The following KIF13B variants were observed in gnomAD, a reference collection of about 807,000 sequenced individuals.
KIF13B encodes kinesin-like protein KIF13B.
A neutral mutation model predicts 222.0 loss-of-function variants in KIF13B; 127 were observed. The ratio of observed to expected loss-of-function variants is 0.57; its 90% confidence interval spans 0.50 to 0.66. The LOEUF is 0.66. KIF13B is among the 30% of genes least tolerant of loss of function. The pLI, the probability that KIF13B is intolerant of heterozygous loss-of-function variation, is 0.00. For missense variants in KIF13B, 2,173 were observed against 2,379.0 expected (o/e 0.91, Z 1.80); for synonymous variants, 976 against 919.0 (o/e 1.06, Z -1.12).
chr8:29,142,262 T>C lies in KIF13B; in HGVS notation c.2229A>G (p.Arg743=), dbSNP rs776176146. ...ACCAAATCTGCTTTCCTTTTCCTTT[T>C]CTTCTCACCTGGATTGCAGGCTCAC... ...LLSEPAIQVR[R]KGKGKQIWSL... Residue 743 remains arginine, a synonymous_variant, in exon 19 of 40, where the codon AGA becomes AGG. Coordinates refer to ENST00000524189, the MANE Select transcript of KIF13B (RefSeq NM_015254.4). 2 of 1,613,810 alleles carry C rather than the reference T, an allele frequency of 1.2e-6. No homozygotes were observed. Among genetic ancestry groups the C allele is most frequent in the South Asian group, 2.2e-5 (2 of 91,056 alleles).
chr8:29,083,881 A>C (rs760992175), intron 37 of KIF13B, among the ~76,000 whole-genome samples: 7 of 152,144 alleles, frequency 4.6e-5, no homozygotes, highest in Non-Finnish European at 1.0e-4. Flanking sequence ...AGTTTAAGAA[A>C]AATGAAGGCT....
chr8:29,091,753 C>T (rs1260280860), intron 37 of KIF13B, among the ~76,000 whole-genome samples: 2 of 152,196 alleles, frequency 1.3e-5, no homozygotes, highest in Non-Finnish European at 2.9e-5. Context: ...TTGGCTCCTG[C>T]AGTCATAGAT....
At chr8:29,191,571 A>G (rs772441944) in intron 3 of KIF13B, among the ~76,000 whole-genome samples, 1 of 152,246 alleles carries the variant, frequency 6.6e-6, no homozygotes, top group South Asian at 2.1e-4. Flanking sequence ...TGTTAATGAA[A>G]AAGTTATAAA....
intron 25 of KIF13B, among the ~76,000 whole-genome samples, chr8:29,126,821 G>A (rs770321173): frequency 4.6e-5 from 7 of 152,182 alleles, no homozygotes; most frequent in Non-Finnish European, 8.8e-5. Flanking sequence ...TTACAAGCCA[G>A]TAGGGGGTTT....
intron 36 of KIF13B, among the ~76,000 whole-genome samples, chr8:29,093,966 T>C (rs1297491199): frequency 6.6e-6 from 1 of 152,098 alleles, no homozygotes; most frequent in East Asian, 1.9e-4. Context: ...TCCAAAAATA[T>C]ACAATTATTT....
intron 1 of KIF13B, among the ~76,000 whole-genome samples, chr8:29,257,276 G>A (rs981909385): frequency 6.6e-6 from 1 of 151,864 alleles, no homozygotes; most frequent in African/African-American, 2.4e-5. Flanking sequence ...GCATGGAGTG[G>A]ACCAGTTAGT....
At chr8:29,229,504 AAAC>A (rs1344226300) in intron 2 of KIF13B, among the ~76,000 whole-genome samples, 1 of 152,238 alleles carries the variant, frequency 6.6e-6, no homozygotes, top group African/African-American at 2.4e-5. Context: ...AACACAATAT[AAAC>A]AATACTAATG....
At chr8:29,168,055 T>TA (rs2130171818) in intron 10 of KIF13B, among the ~76,000 whole-genome samples, 1 of 152,352 alleles carries the variant, frequency 6.6e-6, no homozygotes, top group Non-Finnish European at 1.5e-5. Flanking sequence ...AAGTTGCTGT[T>TA]ACAAGCTATC....
At position 29,110,036 on chromosome 8, in the gene KIF13B, G is replaced by A; in HGVS notation, c.3965C>T (p.Ala1322Val). Residue 1322 changes from alanine to valine, a missense_variant, in exon 33 of 40, where the codon GCA becomes GTA. Ala to Val is a moderately conservative substitution (Grantham distance 64, BLOSUM62 0). This residue lies in a region of KIF13B where 1,480 missense variants were observed against 1,722.8 expected (regional missense o/e 0.86). Coordinates refer to ENST00000524189, the MANE Select transcript of KIF13B (RefSeq NM_015254.4). Reference sequence around the variant, plus strand: ...GTTTTCAACATTGGCTGCCATTCTTGCTAATGCTTCCCGTTCTTCCACTCC... The same window carrying A: ...GTTTTCAACATTGGCTGCCATTCTTACTAATGCTTCCCGTTCTTCCACTCC... ...AQGVEEREAL[A>V]RMAANVENPA... 1.3e-6 allele frequency: 2 copies of A among 1,577,794 alleles called. 1 individual carries two copies. The highest frequency in any genetic ancestry group is 2.3e-5 in the South Asian group (2 of 86,126).
Position 29,181,998 on chromosome 8 carries a change from T to C in KIF13B, c.506A>G (p.Gln169Arg), listed in dbSNP as rs1306106845. The C allele has an allele frequency of 6.2e-7, 1 of 1,612,476 alleles. No individual in the cohort carries two copies. Among genetic ancestry groups the C allele is most frequent in the African/African-American group, 1.3e-5 (1 of 74,862 alleles). Residue 169 changes from glutamine to arginine, a missense_variant, in exon 7 of 40, where the codon CAG (glutamine) becomes CGG (arginine). Transcript: ENST00000524189. ...ACTATGCTCTCTGACTTTCAACGTC[T>C]GACGGCTTCTGTTCATGAAAAACAA... is the stretch of plus-strand genomic sequence containing the variant. The part of the protein sequence containing the change: ...RDLLDPKGSR[Q>R]TLKVREHSVL...
Position 29,196,176 on chromosome 8 carries a change from A to G in KIF13B, c.162+11T>C. On this transcript the variant is annotated intron_variant, in intron 3 of 39. Transcript: ENST00000524189. ...CTTTACAAGCATCACATAACAAACC[A>G]AATCTCTTACCTTCGGCTGGCCCCT... 5 of 1,569,252 alleles carry G rather than the reference A, an allele frequency of 3.2e-6. No homozygotes were observed. Among genetic ancestry groups the G allele is most frequent in the Non-Finnish European group, 4.3e-6 (5 of 1,155,714 alleles).
At chr8:29,119,390 C>A (rs1175004112) in intron 29 of KIF13B, among the ~76,000 whole-genome samples, 1 of 152,178 alleles carries the variant, frequency 6.6e-6, no homozygotes, top group Non-Finnish European at 1.5e-5. Flanking sequence ...CCAGAAGGTT[C>A]CACTGGCTGC....
chr8:29,257,400 A>G (rs1816524474), intron 1 of KIF13B, among the ~76,000 whole-genome samples: 1 of 152,004 alleles, frequency 6.6e-6, no homozygotes, highest in East Asian at 1.9e-4. Flanking sequence ...GCAAGCATAG[A>G]GATCAATACA....
At position 29,100,742 on chromosome 8, in the gene KIF13B, G is replaced by A. The variant is rs570502855; in HGVS notation, c.4216-1501C>T. Among the ~76,000 whole-genome samples the A allele has an allele frequency of 1.5e-4, 23 of 152,286 alleles. No individual in the cohort carries two copies. The East Asian group carries it at 1.7e-3, about 12-fold the overall frequency. ...TGAGATTACAGGCGTGAGCCAACGC[G>A]CCTGGCAAGTTTTCTTTACTAATTG... On this transcript the variant is annotated intron_variant, in intron 35 of 39. Coordinates refer to ENST00000524189, the MANE Select transcript of KIF13B (RefSeq NM_015254.4).
chr8:29,082,383 A>G (rs1205301177), intron 37 of KIF13B, among the ~76,000 whole-genome samples: 1 of 152,224 alleles, frequency 6.6e-6, no homozygotes, highest in African/African-American at 2.4e-5. Context: ...AGTTACTGGA[A>G]AAGATATCGC....
intron 19 of KIF13B, 26 bp from the exon 20 acceptor site, chr8:29,140,643 C>A: frequency 1.3e-6 from 2 of 1,594,952 alleles, no homozygotes; most frequent in Non-Finnish European, 1.7e-6. Flanking sequence ...GAACACACAA[C>A]TTCAGAAAAA....
Position 29,070,791 on chromosome 8 carries a change from T to C in KIF13B, c.5219-25A>G, listed in dbSNP as rs573434100. 25 of 1,580,538 alleles carry C rather than the reference T, an allele frequency of 1.6e-5. No individual in the cohort carries two copies. Among genetic ancestry groups the C allele is most frequent in the South Asian group, 1.4e-4 (12 of 86,326 alleles). The stretch of plus-strand genomic sequence containing the variant: ...CCTGCGGGGGAAGGAGAGGGTGATA[T>C]GGAGGGCAGCCGAGCTGCAGACGGC... On this transcript the variant is annotated intron_variant, in intron 39 of 39. Transcript: ENST00000524189. The surrounding 1 kb of genome is among the most constrained non-coding windows in gnomAD (Gnocchi z 4.1).
intron 18 of KIF13B, chr8:29,145,998 A>G: frequency 2.6e-6 from 1 of 379,672 alleles, no homozygotes; most frequent in Non-Finnish European, 4.7e-6. Context: ...AGAAAATAAC[A>G]TAAGCAAAAT....
At position 29,127,284 on chromosome 8, in the gene KIF13B, T is replaced by C. The variant is rs1297340868; in HGVS notation, c.3076-16A>G. On this transcript the variant is annotated splice_polypyrimidine_tract_variant and intron_variant, in intron 24 of 39. Coordinates refer to ENST00000524189, the MANE Select transcript of KIF13B (RefSeq NM_015254.4). ...GGGACTGCCCCTGGGTCACAGACAA[T>C]TTAGAGTCTTAAAATCAGTGTCTTG... 1.2e-6 allele frequency: 2 copies of C among 1,608,852 alleles called. No homozygotes were observed. The highest frequency in any genetic ancestry group is 1.7e-6 in the Non-Finnish European group (2 of 1,177,262).
Sources: gnomAD v4.1 joint callset for allele counts (sites outside exome capture counted in the v4.1 genomes callset) on GRCh38, gnomAD v4.1.1 for gene constraint, gnomAD v4.1.1 regional missense constraint, Gnocchi (gnomAD v3.1) non-coding constraint, MANE v1.5 for transcripts, NCBI Gene and HGNC (gene_info 2026-07-23, HGNC 2026-07-21) for gene names.